B3GLCT: variants seen among roughly 807,000 people sequenced by gnomAD.
The protein encoded by B3GLCT is beta-1,3-glucosyltransferase.
A neutral mutation model predicts 63.4 loss-of-function variants in B3GLCT; 65 were observed. The ratio of observed to expected loss-of-function variants is 1.03; its 90% confidence interval spans 0.84 to 1.26. The LOEUF is 1.26. B3GLCT is among the 50% of genes most tolerant of loss of function. B3GLCT has a pLI of 0.00. For synonymous variants in B3GLCT, 233 were observed against 219.2 expected, an observed-to-expected ratio of 1.06 and a Z score of -0.55; for missense variants, 577 against 604.8, an observed-to-expected ratio of 0.95 and a Z score of 0.48.
chr13:31,221,048 GA>G (rs1395799429), intron 2 of B3GLCT, among the ~76,000 whole-genome samples: 17 of 152,250 alleles, frequency 1.1e-4, no homozygotes, highest in Admixed American at 9.2e-4. Context: ...GTGTGAGGAA[GA>G]GCATTGGGAC....
intron 12 of B3GLCT, among the ~76,000 whole-genome samples, chr13:31,309,276 CT>C (rs1188113860): frequency 6.6e-6 from 1 of 152,152 alleles, no homozygotes; most frequent in Admixed American, 6.5e-5. Flanking sequence ...TTTCTGTGTT[CT>C]TATACCACAA....
chr13:31,325,184 G>C (rs1875544701), intron 14 of B3GLCT, among the ~76,000 whole-genome samples: 1 of 152,136 alleles, frequency 6.6e-6, no homozygotes, highest in African/African-American at 2.4e-5. Context: ...AGGATAAAAA[G>C]AGACCTTTAA....
chr13:31,225,727 G>A (rs1870064911), intron 3 of B3GLCT, among the ~76,000 whole-genome samples: 1 of 152,008 alleles, frequency 6.6e-6, no homozygotes, highest in African/African-American at 2.4e-5. Context: ...AACTTTCACT[G>A]CTCCCTCTGT....
At chr13:31,202,168 A>T (rs537036704) in intron 1 of B3GLCT, among the ~76,000 whole-genome samples, 1 of 152,346 alleles carries the variant, frequency 6.6e-6, no homozygotes, top group South Asian at 2.1e-4. Flanking sequence ...CCCATATAAG[A>T]TTGGCCTGAC....
intron 6 of B3GLCT, among the ~76,000 whole-genome samples, chr13:31,255,294 A>G (rs1871679158): frequency 6.6e-6 from 1 of 152,202 alleles, no homozygotes. Flanking sequence ...GCTTAAGGAA[A>G]TAAGAGAGGA....
At chr13:31,229,116 C>T (rs965470444) in intron 3 of B3GLCT, 69 bp from the exon 4 acceptor site, 4 of 1,036,570 alleles carry the variant, frequency 3.9e-6, no homozygotes, top group African/African-American at 1.6e-5. Context: ...TATTTTTTCA[C>T]TTGTTTTCAA....
At chr13:31,273,824 T>C (rs1872668606) in intron 8 of B3GLCT, among the ~76,000 whole-genome samples, 1 of 152,242 alleles carries the variant, frequency 6.6e-6, no homozygotes, top group African/African-American at 2.4e-5. Context: ...GGCTTTTGGT[T>C]GCAAAATCTA....
At chr13:31,250,388 G>T (rs1168496355) in intron 6 of B3GLCT, among the ~76,000 whole-genome samples, 1 of 152,166 alleles carries the variant, frequency 6.6e-6, no homozygotes, top group African/African-American at 2.4e-5. Context: ...TGGCCAGTCT[G>T]GTCTTCAACT....
rs1168567784 is a variant in B3GLCT at position 31,330,536 on chromosome 13, T to G, written c.*868T>G. On this transcript the variant is annotated 3_prime_UTR_variant, in exon 15 of 15. Coordinates refer to ENST00000343307, the MANE Select transcript of B3GLCT (RefSeq NM_194318.4). Reference sequence around the variant, plus strand: ...ATTAAATTTGGACCTTATGTTTTACTCTTGTTTTTTTTTTTTTTTTAAATG... The same window carrying G: ...ATTAAATTTGGACCTTATGTTTTACGCTTGTTTTTTTTTTTTTTTTAAATG... 8.2e-6 allele frequency: 1 copy of G among 122,588 alleles called. No homozygotes were observed. Among genetic ancestry groups the G allele is most frequent in the Non-Finnish European group, 1.7e-5 (1 of 57,544 alleles). The allele number at this position is 122,588 out of a possible 1,614,324, so 7.6% of individuals were successfully genotyped here.
In B3GLCT at chr13:31,246,590, C is replaced by T. The variant is rs377386828; in HGVS notation, c.271-433C>T. Among the ~76,000 whole-genome samples, 4 of 152,260 alleles carry T rather than the reference C, an allele frequency of 2.6e-5. No homozygotes were observed. In the East Asian group the frequency reaches 7.7e-4, roughly 29 times the overall value. On this transcript the variant is annotated intron_variant, in intron 4 of 14. Transcript: ENST00000343307. ...TCAAATATTGTATCCTCTAGTTTAG[C>T]CAAAGGGTTTTCATTTTCACATGTT...
intron 7 of B3GLCT, among the ~76,000 whole-genome samples, chr13:31,266,650 T>C (rs1441240052): frequency 6.6e-6 from 1 of 152,220 alleles, no homozygotes; most frequent in Non-Finnish European, 1.5e-5. Flanking sequence ...ACTCTTCCAC[T>C]AGAAGTCTGT....
chr13:31,318,055 C>T (rs116163343), intron 13 of B3GLCT, among the ~76,000 whole-genome samples: 3 of 151,812 alleles, frequency 2.0e-5, no homozygotes, highest in African/African-American at 4.8e-5. Flanking sequence ...CTTAATAAAT[C>T]GCCTTTGGAG....
At chr13:31,242,548 A>G (rs1311448519) in intron 4 of B3GLCT, among the ~76,000 whole-genome samples, 1 of 152,234 alleles carries the variant, frequency 6.6e-6, no homozygotes, top group South Asian at 2.1e-4. Flanking sequence ...GTCATCTCAC[A>G]TGAGAGAATG....
chr13:31,218,938 T>C (rs1031635402), intron 2 of B3GLCT, among the ~76,000 whole-genome samples: 8 of 151,924 alleles, frequency 5.3e-5, no homozygotes, highest in African/African-American at 1.9e-4. Flanking sequence ...CCCTTTTTTT[T>C]TTTTTGCTTC....
At chr13:31,288,061 CA>C (rs1294197403) in intron 12 of B3GLCT, among the ~76,000 whole-genome samples, 8 of 152,146 alleles carry the variant, frequency 5.3e-5, no homozygotes, top group Non-Finnish European at 8.8e-5. Flanking sequence ...AGAAGGAGCA[CA>C]TAATTATTTA....
At chr13:31,274,838 A>C (rs1872709760) in intron 9 of B3GLCT, among the ~76,000 whole-genome samples, 1 of 152,180 alleles carries the variant, frequency 6.6e-6, no homozygotes, top group African/African-American at 2.4e-5. Context: ...GAAGTTTTCA[A>C]ACCTTGCTCT....
At chr13:31,297,504 A>G (rs1026838797) in intron 12 of B3GLCT, among the ~76,000 whole-genome samples, 1 of 151,942 alleles carries the variant, frequency 6.6e-6, no homozygotes, top group African/African-American at 2.4e-5. Context: ...TGCAATAATC[A>G]TCAACACAGA....
intron 1 of B3GLCT, among the ~76,000 whole-genome samples, chr13:31,204,152 A>C (rs751544356): frequency 5.3e-5 from 8 of 152,194 alleles, no homozygotes; most frequent in Non-Finnish European, 1.2e-4. Context: ...CTGTGAGAAC[A>C]TGCTGCAGGG....
intron 12 of B3GLCT, among the ~76,000 whole-genome samples, chr13:31,288,936 T>C (rs1288127883): frequency 1.3e-5 from 2 of 152,032 alleles, no homozygotes; most frequent in African/African-American, 2.4e-5. Flanking sequence ...ATTCAAAATA[T>C]TGATTTTAAA....
Sources: gnomAD v4.1 joint callset for allele counts (sites outside exome capture counted in the v4.1 genomes callset) on GRCh38, gnomAD v4.1.1 for gene constraint, MANE v1.5 for transcripts, NCBI Gene and HGNC (gene_info 2026-07-23, HGNC 2026-07-21) for gene names.